Variants in CHN2 observed in about 807,000 individuals in gnomAD.
CHN2 encodes the protein beta-chimaerin.
A neutral mutation model predicts 56.3 loss-of-function variants in CHN2; 35 were observed. That is an observed-to-expected ratio of 0.62 (90% CI 0.47 to 0.82). The LOEUF is 0.82. Among genes scored for constraint, CHN2 ranks in the 40% least tolerant of loss-of-function variants. CHN2 has a pLI of 0.00. For synonymous variants in CHN2, 210 were observed against 212.8 expected (o/e 0.99, Z 0.12); for missense variants, 491 against 580.5 (o/e 0.85, Z 1.58).
At chr7:29,164,779 C>CAAAAAAA (rs55742522) in intron 2 of CHN2, among the ~76,000 whole-genome samples, 3 of 85,878 alleles carry the variant, frequency 3.5e-5, no homozygotes, top group Non-Finnish European at 6.8e-5. Flanking sequence ...AGACCTGTCT[C>CAAAAAAA]AAAAAAAAAA....
At chr7:29,457,738 A>C (rs1784872052) in intron 6 of CHN2, among the ~76,000 whole-genome samples, 1 of 152,176 alleles carries the variant, frequency 6.6e-6, no homozygotes, top group African/African-American at 2.4e-5. Context: ...TGAAAGGGGC[A>C]GCTTTGAAGT....
intron 2 of CHN2, among the ~76,000 whole-genome samples, chr7:29,177,670 TTATC>T (rs1797538717): frequency 1.3e-5 from 2 of 151,922 alleles, no homozygotes; most frequent in Non-Finnish European, 2.9e-5. Flanking sequence ...ATCTACCTAT[TTATC>T]TATCTGTCCA....
Position 29,490,503 on chromosome 7 carries a change from G to C in CHN2, c.655-5449G>C, listed in dbSNP as rs556382817. On this transcript the variant is annotated intron_variant, in intron 7 of 12. Transcript: ENST00000222792. Reference sequence around the variant, plus strand: ...ATCTATTTCAACTTTGTATATCCAAGGACTAGTACAGGGCCAAGTTCAAAG... The same window carrying C: ...ATCTATTTCAACTTTGTATATCCAACGACTAGTACAGGGCCAAGTTCAAAG... 1.4e-4 allele frequency among the ~76,000 whole-genome samples: 21 copies of C among 152,164 alleles called. No homozygotes were observed. In the East Asian group the frequency reaches 4.1e-3, roughly 29 times the overall value.
chr7:29,189,569 G>A (rs1358543065), intron 2 of CHN2, among the ~76,000 whole-genome samples: 2 of 152,166 alleles, frequency 1.3e-5, no homozygotes, highest in Admixed American at 1.3e-4. Context: ...AACCTGAAGT[G>A]TCAGGGAACA....
At chr7:29,500,099 T>C in intron 9 of CHN2, 59 bp downstream of exon 9, 3 of 1,334,648 alleles carry the variant, frequency 2.2e-6, no homozygotes, top group Non-Finnish European at 3.0e-6. Context: ...TGTTTGTTTT[T>C]ACTGTTGTCA....
chr7:29,220,376 C>G lies in CHN2; in HGVS notation c.49+25386C>G, dbSNP rs77647256. On this transcript the variant is annotated intron_variant, in intron 1 of 12. Coordinates refer to ENST00000222792, the MANE Select transcript of CHN2 (RefSeq NM_004067.4). ...TGAAAATTAACAAAAACAACTGGGGCTTTTTTTGACAAGATTAATATAATT... is the reference window on the plus strand; with the variant it reads ...TGAAAATTAACAAAAACAACTGGGGGTTTTTTTGACAAGATTAATATAATT... 8.8e-3 allele frequency among the ~76,000 whole-genome samples: 1,335 copies of G among 150,924 alleles called. 24 individuals are homozygous for G. The highest frequency in any genetic ancestry group is 0.031 in the African/African-American group (1,280 of 41,136).
chr7:29,250,692 T>G (rs1788423852), intron 1 of CHN2, among the ~76,000 whole-genome samples: 1 of 151,784 alleles, frequency 6.6e-6, no homozygotes, highest in African/African-American at 2.4e-5. Context: ...ACTCTTCCCT[T>G]TTTTTACCTG....
At chr7:29,179,958 CT>C (rs996074334) in intron 2 of CHN2, among the ~76,000 whole-genome samples, 1 of 152,116 alleles carries the variant, frequency 6.6e-6, no homozygotes, top group African/African-American at 2.4e-5. Context: ...TTCTATTGAT[CT>C]TTTGCTATTT....
In CHN2 at chr7:29,366,658, ACT is replaced by A. The variant is rs1799188170; in HGVS notation, c.89-1271_89-1270del. Among the ~76,000 whole-genome samples the A allele has an allele frequency of 6.6e-5, 10 of 152,054 alleles. No homozygotes were observed. The South Asian group carries it at 2.1e-3, about 32-fold the overall frequency. On this transcript the variant is annotated intron_variant, in intron 2 of 12. Coordinates refer to ENST00000222792, the MANE Select transcript of CHN2 (RefSeq NM_004067.4). ...CTTCTGAGCTAAAGGGTTGTGGTGA[ACT>A]CTGTTTTCCTTTCACAGATGACTAC...
chr7:29,434,210 A>C (rs932208995), intron 6 of CHN2, among the ~76,000 whole-genome samples: 1 of 152,322 alleles, frequency 6.6e-6, no homozygotes, highest in East Asian at 1.9e-4. Flanking sequence ...ACACTAGTCA[A>C]CTAGATGCTG....
At chr7:29,511,744 T>C (rs1791445214) in intron 12 of CHN2, among the ~76,000 whole-genome samples, 2 of 152,040 alleles carry the variant, frequency 1.3e-5, no homozygotes, top group South Asian at 4.1e-4. Context: ...TTTAATTATA[T>C]TTTGCTCATT....
chr7:29,436,547 C>A (rs907980386), intron 6 of CHN2, among the ~76,000 whole-genome samples: 1 of 152,108 alleles, frequency 6.6e-6, no homozygotes, highest in African/African-American at 2.4e-5. Flanking sequence ...ATGTGAAGGG[C>A]ACCCTGACCC....
intron 1 of CHN2, among the ~76,000 whole-genome samples, chr7:29,229,085 A>G (rs1357037102): frequency 6.6e-6 from 1 of 152,160 alleles, no homozygotes; most frequent in Non-Finnish European, 1.5e-5. Flanking sequence ...TGGACTGACC[A>G]GCTCCTCCCC....
chr7:29,411,046 AT>A (rs1312656367), intron 6 of CHN2, among the ~76,000 whole-genome samples: 1 of 152,166 alleles, frequency 6.6e-6, no homozygotes, highest in Non-Finnish European at 1.5e-5. Context: ...TCAAATAAAC[AT>A]TTCTCTATCT....
chr7:29,208,265 C>T (rs1386288778), intron 1 of CHN2, among the ~76,000 whole-genome samples: 2 of 152,154 alleles, frequency 1.3e-5, no homozygotes, highest in African/African-American at 4.8e-5. Flanking sequence ...GCTGGCTCCC[C>T]TTCAAGTTGT....
intron 6 of CHN2, among the ~76,000 whole-genome samples, chr7:29,419,889 G>A (rs1005816564): frequency 1.2e-4 from 18 of 151,834 alleles, no homozygotes; most frequent in Non-Finnish European, 5.9e-5. Context: ...GTGAAACCCC[G>A]TCTCTACTAA....
At chr7:29,495,120 T>G (rs1463117185) in intron 7 of CHN2, among the ~76,000 whole-genome samples, 2 of 152,188 alleles carry the variant, frequency 1.3e-5, no homozygotes, top group African/African-American at 4.8e-5. Context: ...CTATGGTCAT[T>G]TTAGATTGAC....
intron 3 of CHN2, among the ~76,000 whole-genome samples, chr7:29,384,717 C>T (rs2128062771): frequency 6.6e-6 from 1 of 152,194 alleles, no homozygotes; most frequent in African/African-American, 2.4e-5. Flanking sequence ...GATATTAATA[C>T]TTATTGTGTG....
intron 2 of CHN2, among the ~76,000 whole-genome samples, chr7:29,357,591 C>G (rs912925464): frequency 6.6e-6 from 1 of 152,184 alleles, no homozygotes; most frequent in Admixed American, 6.5e-5. Flanking sequence ...AATGTACAAT[C>G]TAGTCAAGGA....
Sources: gnomAD v4.1 joint callset for allele counts (sites outside exome capture counted in the v4.1 genomes callset) on GRCh38, gnomAD v4.1.1 for gene constraint, MANE v1.5 for transcripts, NCBI Gene and HGNC (gene_info 2026-07-23, HGNC 2026-07-21) for gene names.